Variants in PICALM observed in about 807,000 individuals in gnomAD.
The protein encoded by PICALM is phosphatidylinositol-binding clathrin assembly protein.
Under a neutral mutation model 80.5 loss-of-function variants are expected in PICALM, and 40 were observed. That is an observed-to-expected ratio of 0.50 (90% CI 0.39 to 0.65). The LOEUF is 0.65. Ranked by LOEUF, PICALM falls within the 30% of genes least tolerant of loss-of-function variation. The pLI is 0.00. For synonymous variants in PICALM, 288 were observed against 260.3 expected (o/e 1.11, Z -1.02); for missense variants, 676 against 778.9 (o/e 0.87, Z 1.57).
At chr11:86,036,161 A>G (rs999500887) in intron 1 of PICALM, among the ~76,000 whole-genome samples, 2 of 152,188 alleles carry the variant, frequency 1.3e-5, no homozygotes, top group Admixed American at 6.5e-5. Flanking sequence ...TTTTTTTCAT[A>G]TAGCAAAATT....
chr11:86,008,952 C>CAAAAAAAAAAAAAAA (rs59740555), intron 7 of PICALM, among the ~76,000 whole-genome samples: 12 of 62,830 alleles, frequency 1.9e-4, no homozygotes, highest in Non-Finnish European at 2.5e-4. Context: ...AAAAAAAAGC[C>CAAAAAAAAAAAAAAA]AAAAAAAAAA....
chr11:85,974,556 C>G (rs1478408202), intron 19 of PICALM, 152 bp downstream of exon 19: 4 of 721,884 alleles, frequency 5.5e-6, no homozygotes, highest in Non-Finnish European at 7.7e-6. Flanking sequence ...ATTCCTAAAG[C>G]TCTTATATAA....
At chr11:85,978,017 G>C in intron 17 of PICALM, 8 of 1,375,198 alleles carry the variant, frequency 5.8e-6, no homozygotes, top group Non-Finnish European at 8.3e-6. Context: ...TGCTACAGCA[G>C]TGGTTAATAG....
At chr11:86,060,751 G>T (rs1039051082) in intron 1 of PICALM, among the ~76,000 whole-genome samples, 3 of 138,878 alleles carry the variant, frequency 2.2e-5, no homozygotes, top group Non-Finnish European at 4.8e-5. Flanking sequence ...AAAAAAAAAT[G>T]AATCAGGAGA....
At position 86,018,230 on chromosome 11, in the gene PICALM, CAATT is replaced by C. The variant is rs1311415162; in HGVS notation, c.453-3271_453-3268del. Among the ~76,000 whole-genome samples, 4 of 152,038 alleles carry C rather than the reference CAATT, an allele frequency of 2.6e-5. No individual in the cohort carries two copies. In the East Asian group the frequency reaches 7.7e-4, roughly 29 times the overall value. ...GAAGCTGTCAATGGACATCAAAAGA[CAATT>C]AATAAAACAAGTATGGCATTCAAAA... is the stretch of plus-strand genomic sequence containing the variant. On this transcript the variant is annotated intron_variant, in intron 4 of 19. Coordinates refer to ENST00000393346, the MANE Select transcript of PICALM (RefSeq NM_007166.4).
rs1041824533 is a variant in PICALM at position 85,976,826 on chromosome 11, C to T, written c.1780-144G>A. ...GACACTTGTGATCATTAAGAACTGTCGATTAATGGTCAGTGAAAAAAAGTG... is the reference window on the plus strand; with the variant it reads ...GACACTTGTGATCATTAAGAACTGTTGATTAATGGTCAGTGAAAAAAAGTG... On this transcript the variant is annotated intron_variant, in intron 17 of 19. Transcript: ENST00000393346. 37 of 542,234 alleles carry T rather than the reference C, an allele frequency of 6.8e-5. 1 individual carries two copies. Among genetic ancestry groups the T allele is most frequent in the Admixed American group, 1.9e-4 (6 of 31,744 alleles). The allele number at this position is 542,234 out of a possible 1,614,324, so 33.6% of individuals were successfully genotyped here.
intron 19 of PICALM, among the ~76,000 whole-genome samples, chr11:85,972,200 G>C (rs2094134233): frequency 6.6e-6 from 1 of 152,180 alleles, no homozygotes; most frequent in Admixed American, 6.5e-5. Flanking sequence ...CAAAACTGTA[G>C]AGAATATTCT....
intron 8 of PICALM, among the ~76,000 whole-genome samples, chr11:86,006,318 A>AGAAACTCAAT (rs1437518394): frequency 1.3e-5 from 2 of 152,180 alleles, no homozygotes; most frequent in Non-Finnish European, 2.9e-5. Context: ...GTGAGTACAG[A>AGAAACTCAAT]GAAACTCAAT....
At position 85,958,896 on chromosome 11, in the gene PICALM, CA is replaced by C; in HGVS notation, c.*149del. The stretch of plus-strand genomic sequence containing the variant: ...CCTATAAACTAGTCCCAATTTCCTT[CA>C]TGGGCCTTCACTGAGTTACTTGTAG... On this transcript the variant is annotated 3_prime_UTR_variant, in exon 20 of 20. Coordinates refer to ENST00000393346, the MANE Select transcript of PICALM (RefSeq NM_007166.4). 1 of 564,426 alleles carries C rather than the reference CA, an allele frequency of 1.8e-6. No individual in the cohort carries two copies. The highest frequency in any genetic ancestry group is 1.9e-5 in the African/African-American group (1 of 53,774). The allele number at this position is 564,426 out of a possible 1,614,324, so 35.0% of individuals were successfully genotyped here. A position where few individuals can be genotyped will look rare whatever the true frequency, so the allele number is the denominator to read the frequency against.
chr11:86,032,166 G>A (rs1403699633), intron 1 of PICALM, among the ~76,000 whole-genome samples: 1 of 152,082 alleles, frequency 6.6e-6, no homozygotes, highest in Non-Finnish European at 1.5e-5. Context: ...TCATACAAAA[G>A]ATTTATACTC....
In PICALM at chr11:86,045,519, CAAA is replaced by C. The variant is rs71040207; in HGVS notation, c.131-13911_131-13909del. On this transcript the variant is annotated intron_variant, in intron 1 of 19. Transcript: ENST00000393346. The stretch of plus-strand genomic sequence containing the variant: ...CATAGTGAGACCCTGTCTTGAAATT[CAAA>C]AAAAAAAAAAAAAAAAAAAAAAAGA... Among the ~76,000 whole-genome samples, 8 of 47,802 alleles carry C rather than the reference CAAA, an allele frequency of 1.7e-4. No homozygotes were observed. In the Admixed American group the frequency reaches 1.8e-3, roughly 11 times the overall value. The allele number at this position is 47,802 out of a possible 152,430, so 31.4% of individuals were successfully genotyped here.
chr11:85,977,354 T>C (rs2094315103), intron 17 of PICALM, among the ~76,000 whole-genome samples: 1 of 152,220 alleles, frequency 6.6e-6, no homozygotes, highest in African/African-American at 2.4e-5. Context: ...TCTATCACTA[T>C]GATGTTTAAG....
At chr11:85,996,096 T>C (rs1164955188) in intron 12 of PICALM, among the ~76,000 whole-genome samples, 1 of 152,122 alleles carries the variant, frequency 6.6e-6, no homozygotes, top group Non-Finnish European at 1.5e-5. Flanking sequence ...GCTTACTTTC[T>C]AGGATATAGT....
At chr11:86,050,848 T>A (rs1313570699) in intron 1 of PICALM, among the ~76,000 whole-genome samples, 1 of 151,722 alleles carries the variant, frequency 6.6e-6, no homozygotes, top group Non-Finnish European at 1.5e-5. Flanking sequence ...TGGAAAAAAA[T>A]TATTTATTGT....
intron 17 of PICALM, chr11:85,978,156 A>G: frequency 1.5e-6 from 2 of 1,364,776 alleles, no homozygotes; most frequent in Non-Finnish European, 2.1e-6. Context: ...AAGTACTTAC[A>G]CAACAGAAAA....
At chr11:85,987,895 A>G (rs1253865629) in intron 13 of PICALM, among the ~76,000 whole-genome samples, 1 of 152,278 alleles carries the variant, frequency 6.6e-6, no homozygotes, top group Admixed American at 6.5e-5. Context: ...CCCAACTTGC[A>G]TAGCCTTAAA....
intron 7 of PICALM, among the ~76,000 whole-genome samples, chr11:86,009,703 A>C (rs2095358131): frequency 6.6e-6 from 1 of 152,170 alleles, no homozygotes; most frequent in Non-Finnish European, 1.5e-5. Context: ...AAAAACAAAC[A>C]AACAAAAAAA....
intron 1 of PICALM, among the ~76,000 whole-genome samples, chr11:86,067,245 A>G (rs764652905): frequency 6.6e-6 from 1 of 152,222 alleles, no homozygotes; most frequent in South Asian, 2.1e-4. Flanking sequence ...CAGACAGTGA[A>G]TTATCTTTCA....
intron 1 of PICALM, among the ~76,000 whole-genome samples, chr11:86,055,872 A>C (rs2096261095): frequency 6.6e-6 from 1 of 152,104 alleles, no homozygotes; most frequent in Non-Finnish European, 1.5e-5. Flanking sequence ...GTGATGGCTC[A>C]CGTCTATAAT....
Sources: gnomAD v4.1 joint callset for allele counts (sites outside exome capture counted in the v4.1 genomes callset) on GRCh38, gnomAD v4.1.1 for gene constraint, MANE v1.5 for transcripts, NCBI Gene and HGNC (gene_info 2026-07-23, HGNC 2026-07-21) for gene names.